The following GPR39 variants were observed in gnomAD, a reference collection of about 807,000 sequenced individuals.
GPR39 encodes G protein-coupled receptor 39, also known as zinc sensing receptor.
Under a neutral mutation model 18.4 loss-of-function variants are expected in GPR39, and 23 were observed. That is an observed-to-expected ratio of 1.25 (90% CI 0.90 to 1.77). The LOEUF (loss-of-function observed/expected upper bound fraction) is 1.77, where lower values mean the gene tolerates loss of function less well. Among genes scored for constraint, GPR39 ranks in the 40% most tolerant of loss-of-function variants. The pLI is 0.00. For synonymous variants in GPR39, 280 were observed against 257.9 expected (o/e 1.09, Z -0.82); for missense variants, 647 against 602.4 (o/e 1.07, Z -0.78).
chr2:132,576,530 G>A (rs976684558), intron 1 of GPR39, among the ~76,000 whole-genome samples: 1 of 152,078 alleles, frequency 6.6e-6, no homozygotes. Context: ...GTGTGCACCT[G>A]TAATCCCAGC....
intron 1 of GPR39, among the ~76,000 whole-genome samples, chr2:132,639,146 A>G (rs1418133908): frequency 6.6e-6 from 1 of 152,094 alleles, no homozygotes; most frequent in African/African-American, 2.4e-5. Flanking sequence ...GCCACCTTGT[A>G]CAGCTCAGCT....
chr2:132,466,646 CAT>C (rs1364272253), intron 1 of GPR39, among the ~76,000 whole-genome samples: 1 of 152,324 alleles, frequency 6.6e-6, no homozygotes, highest in African/African-American at 2.4e-5. Context: ...AAACTAAACA[CAT>C]AGGCAGAGTG....
intron 1 of GPR39, among the ~76,000 whole-genome samples, chr2:132,623,400 G>T (rs935053504): frequency 2.6e-5 from 4 of 152,238 alleles, no homozygotes; most frequent in Non-Finnish European, 4.4e-5. Flanking sequence ...CGCCTGAAGG[G>T]AAGGAGAGAG....
At chr2:132,640,086 C>T (rs552731708) in intron 1 of GPR39, among the ~76,000 whole-genome samples, 5 of 152,268 alleles carry the variant, frequency 3.3e-5, no homozygotes, top group Admixed American at 6.5e-5. Flanking sequence ...TCAAGGTCTC[C>T]TCTTGATCTC....
intron 1 of GPR39, among the ~76,000 whole-genome samples, chr2:132,494,400 T>C (rs1034079832): frequency 5.3e-5 from 8 of 152,172 alleles, no homozygotes; most frequent in African/African-American, 1.9e-4. Context: ...TTTGCTGCCT[T>C]GTTCCTTCTG....
At chr2:132,584,427 G>A (rs1336555133) in intron 1 of GPR39, among the ~76,000 whole-genome samples, 1 of 152,134 alleles carries the variant, frequency 6.6e-6, no homozygotes, top group Non-Finnish European at 1.5e-5. Flanking sequence ...AGAACAAAGA[G>A]GAAGCTTCTG....
chr2:132,592,733 A>G (rs2104833582), intron 1 of GPR39, among the ~76,000 whole-genome samples: 1 of 152,352 alleles, frequency 6.6e-6, no homozygotes, highest in Middle Eastern at 3.4e-3. Context: ...AGGAGGTGGC[A>G]GGAAGTGATT....
chr2:132,625,489 GCA>G (rs1296171626), intron 1 of GPR39, among the ~76,000 whole-genome samples: 2 of 152,124 alleles, frequency 1.3e-5, no homozygotes, highest in Non-Finnish European at 2.9e-5. Flanking sequence ...AGACAGATTG[GCA>G]AACTTGACTT....
rs140929049 is a variant in GPR39 at position 132,624,705 on chromosome 2, C to T, written c.857-20396C>T. ...TGTAATCTTCCGCATCTGCCTTCTT[C>T]AGTGGACATATGTTTGTGAGATTTG... is the stretch of plus-strand genomic sequence containing the variant. On this transcript the variant is annotated intron_variant, in intron 1 of 1. Coordinates refer to ENST00000329321, the MANE Select transcript of GPR39 (RefSeq NM_001508.3). Among the ~76,000 whole-genome samples the T allele has an allele frequency of 9.8e-4, 150 of 152,334 alleles. 3 individuals are homozygous for T. The highest frequency in any genetic ancestry group is 3.4e-3 in the African/African-American group (142 of 41,590).
rs192133173 is a variant in GPR39, at chr2:132,571,658, T to C, written c.857-73443T>C. Among the ~76,000 whole-genome samples, 15 of 152,182 alleles carry C rather than the reference T, an allele frequency of 9.9e-5. No individual in the cohort carries two copies. The East Asian group carries it at 2.1e-3, about 22-fold the overall frequency. On this transcript the variant is annotated intron_variant, in intron 1 of 1. Coordinates refer to ENST00000329321, the MANE Select transcript of GPR39 (RefSeq NM_001508.3). Reference sequence around the variant, plus strand: ...GGAGTGGGATCTTACTGAGTGATGGTAAGGGGTTGCGGAGGCCTACTGGGT... The same window carrying C: ...GGAGTGGGATCTTACTGAGTGATGGCAAGGGGTTGCGGAGGCCTACTGGGT...
chr2:132,551,143 ATG>A (rs1680035666), intron 1 of GPR39, among the ~76,000 whole-genome samples: 3 of 152,200 alleles, frequency 2.0e-5, no homozygotes, highest in Non-Finnish European at 4.4e-5. Flanking sequence ...CAGCTCAACG[ATG>A]TTAGAGTTGA....
Position 132,564,517 on chromosome 2 carries a change from C to T in GPR39, c.857-80584C>T, listed in dbSNP as rs1023851086. Reference sequence around the variant, plus strand: ...TCCAACCTGAGTTGGCGCACTGCCCCGAGTAGGTAAGGAGGAGAGGACATT... The same window carrying T: ...TCCAACCTGAGTTGGCGCACTGCCCTGAGTAGGTAAGGAGGAGAGGACATT... On this transcript the variant is annotated intron_variant, in intron 1 of 1. Transcript: ENST00000329321. Among the ~76,000 whole-genome samples the T allele has an allele frequency of 5.3e-5, 8 of 152,254 alleles. No homozygotes were observed. In the East Asian group the frequency reaches 5.8e-4, roughly 11 times the overall value.
At chr2:132,636,372 C>T (rs4130567) in intron 1 of GPR39, among the ~76,000 whole-genome samples, 1 of 152,174 alleles carries the variant, frequency 6.6e-6, no homozygotes, top group South Asian at 2.1e-4. Context: ...GCTTTGGGGG[C>T]TGGTCCTCCC....
intron 1 of GPR39, among the ~76,000 whole-genome samples, chr2:132,626,157 A>G (rs185677003): frequency 1.3e-5 from 2 of 152,200 alleles, no homozygotes; most frequent in Admixed American, 6.5e-5. Flanking sequence ...GACATCCCCC[A>G]AGGTGACACT....
intron 1 of GPR39, among the ~76,000 whole-genome samples, chr2:132,511,790 C>T (rs899589603): frequency 1.3e-5 from 2 of 152,216 alleles, no homozygotes; most frequent in African/African-American, 4.8e-5. Context: ...ACCAACCACT[C>T]TGTGAGGCAG....
intron 1 of GPR39, among the ~76,000 whole-genome samples, chr2:132,572,670 G>T (rs1323565324): frequency 1.3e-5 from 2 of 152,028 alleles, no homozygotes; most frequent in East Asian, 3.9e-4. Flanking sequence ...ATAGGAGTCC[G>T]CTATGCTCCA....
At chr2:132,484,716 C>A (rs767370224) in intron 1 of GPR39, among the ~76,000 whole-genome samples, 2 of 152,238 alleles carry the variant, frequency 1.3e-5, no homozygotes, top group Non-Finnish European at 2.9e-5. Flanking sequence ...GACAAAAATT[C>A]TCCTATAAGA....
At chr2:132,641,560 A>G (rs1352116823) in intron 1 of GPR39, among the ~76,000 whole-genome samples, 2 of 152,234 alleles carry the variant, frequency 1.3e-5, no homozygotes, top group Admixed American at 6.5e-5. Context: ...CTGTAAGAGT[A>G]AAACCTATAC....
rs535492392 is a variant in GPR39 at position 132,448,987 on chromosome 2, C to T, written c.856+31089C>T. Among the ~76,000 whole-genome samples, 11 of 152,304 alleles carry T rather than the reference C, an allele frequency of 7.2e-5. 1 individual carries two copies. Among genetic ancestry groups the T allele is most frequent in the South Asian group, 6.2e-4 (3 of 4,826 alleles). ...ATTTTGTCTCTTACAGCCAGCTCTC[C>T]GCAACCCCCTGCAGGCTGTTTGCAA... On this transcript the variant is annotated intron_variant, in intron 1 of 1. Coordinates refer to ENST00000329321, the MANE Select transcript of GPR39 (RefSeq NM_001508.3).
Sources: allele counts gnomAD v4.1 joint callset (sites outside exome capture counted in the v4.1 genomes callset), GRCh38; gene constraint gnomAD v4.1.1; transcripts MANE v1.5; gene names NCBI Gene and HGNC (gene_info 2026-07-23, HGNC 2026-07-21).